Variants in TAFA1 observed in about 807,000 individuals in gnomAD.
TAFA1 encodes the protein TAFA chemokine like family member 1, also known as chemokine-like protein TAFA-1.
TAFA1 carries 4 observed loss-of-function variants against 18.5 expected under a neutral mutation model. That is an observed-to-expected ratio of 0.22 (90% CI 0.11 to 0.49). TAFA1 has a LOEUF of 0.49. Among genes scored for constraint, TAFA1 ranks in the 20% least tolerant of loss-of-function variants. The pLI is 0.98. For synonymous variants in TAFA1, 56 were observed against 55.2 expected (o/e 1.01, Z -0.06); for missense variants, 147 against 169.0 (o/e 0.87, Z 0.72).
intron 2 of TAFA1, among the ~76,000 whole-genome samples, chr3:68,368,155 G>A (rs936824287): frequency 2.0e-5 from 3 of 152,020 alleles, no homozygotes; most frequent in African/African-American, 7.2e-5. Flanking sequence ...AAAAACCTCA[G>A]GATTTTTTTG....
intron 2 of TAFA1, among the ~76,000 whole-genome samples, chr3:68,022,987 T>TA: frequency 6.7e-6 from 1 of 150,360 alleles, no homozygotes; most frequent in Non-Finnish European, 1.5e-5. Context: ...TTTTTTTACT[T>TA]TGTACCAGTG....
At chr3:68,017,407 C>T (rs529775384) in intron 2 of TAFA1, among the ~76,000 whole-genome samples, 44 of 152,266 alleles carry the variant, frequency 2.9e-4, no homozygotes, top group Non-Finnish European at 5.4e-4. Context: ...TATCTATCAC[C>T]AGCTTAGGTT....
intron 2 of TAFA1, among the ~76,000 whole-genome samples, chr3:68,389,749 A>G (rs568558966): frequency 9.2e-5 from 14 of 152,144 alleles, no homozygotes; most frequent in Admixed American, 2.6e-4. Flanking sequence ...CCACCCAGGA[A>G]GTGTAAGAGG....
intron 2 of TAFA1, among the ~76,000 whole-genome samples, chr3:68,168,836 C>G (rs1233390464): frequency 6.6e-6 from 1 of 152,200 alleles, no homozygotes; most frequent in Non-Finnish European, 1.5e-5. Context: ...GAGTCCCTCT[C>G]AGCCCAAAGT....
At chr3:68,486,590 A>G (rs933136508) in intron 3 of TAFA1, among the ~76,000 whole-genome samples, 1 of 152,218 alleles carries the variant, frequency 6.6e-6, no homozygotes, top group Non-Finnish European at 1.5e-5. Flanking sequence ...AATGAAGATG[A>G]TAACTCATCT....
chr3:68,397,630 G>A (rs2070409397), intron 2 of TAFA1, among the ~76,000 whole-genome samples: 2 of 152,186 alleles, frequency 1.3e-5, no homozygotes, highest in Non-Finnish European at 2.9e-5. Flanking sequence ...ACACACGTGT[G>A]CATATGTCTT....
At position 68,263,960 on chromosome 3, in the gene TAFA1, A is replaced by G. The variant is rs551273586; in HGVS notation, c.119-153320A>G. ...ATTTGCCAAATAACAGCTATATAGAATTTTATTTTTTTAAATATACTCATT... is the reference window on the plus strand; with the variant it reads ...ATTTGCCAAATAACAGCTATATAGAGTTTTATTTTTTTAAATATACTCATT... On this transcript the variant is annotated intron_variant, in intron 2 of 4. Transcript: ENST00000478136. Among the ~76,000 whole-genome samples, 13 of 152,184 alleles carry G rather than the reference A, an allele frequency of 8.5e-5. No homozygotes were observed. The East Asian group carries it at 2.1e-3, about 25-fold the overall frequency.
chr3:68,465,884 T>A (rs1040286725), intron 3 of TAFA1, among the ~76,000 whole-genome samples: 1 of 151,826 alleles, frequency 6.6e-6, no homozygotes, highest in Admixed American at 6.6e-5. Flanking sequence ...AAGAAGATAA[T>A]ACACTAGGCA....
chr3:68,462,437 G>T (rs78486610), intron 3 of TAFA1, among the ~76,000 whole-genome samples: 5,095 of 152,148 alleles, frequency 0.033, 287 homozygotes, highest in African/African-American at 0.12. Flanking sequence ...CATGTAAGAC[G>T]TGAATTTGCT....
At chr3:68,539,438 A>G (rs9819803) in intron 4 of TAFA1, among the ~76,000 whole-genome samples, 62,728 of 151,678 alleles carry the variant, frequency 0.41, 14,382 homozygotes, top group African/African-American at 0.62. Flanking sequence ...CAAAATTGGC[A>G]CCCTTATGCT....
intron 2 of TAFA1, among the ~76,000 whole-genome samples, chr3:68,216,321 C>T (rs909348257): frequency 6.6e-6 from 1 of 151,942 alleles, no homozygotes; most frequent in Non-Finnish European, 1.5e-5. Context: ...TTTTAAAAAC[C>T]GTTTTCAAGA....
At chr3:68,427,060 G>A (rs148311073) in intron 3 of TAFA1, among the ~76,000 whole-genome samples, 208 of 151,940 alleles carry the variant, frequency 1.4e-3, no homozygotes, top group African/African-American at 4.6e-3. Context: ...GTGTGTGAGA[G>A]AGAGAGATAG....
intron 3 of TAFA1, among the ~76,000 whole-genome samples, chr3:68,523,833 A>G (rs2073064115): frequency 6.6e-6 from 1 of 152,094 alleles, no homozygotes. Context: ...GTTGTTTTGG[A>G]TTTAGGTGCA....
At chr3:68,493,145 C>T (rs975002779) in intron 3 of TAFA1, among the ~76,000 whole-genome samples, 4 of 152,074 alleles carry the variant, frequency 2.6e-5, no homozygotes, top group Non-Finnish European at 5.9e-5. Context: ...AACAACTCCC[C>T]TTTTCTCCCT....
At chr3:68,128,001 A>C (rs2065491702) in intron 2 of TAFA1, among the ~76,000 whole-genome samples, 1 of 149,386 alleles carries the variant, frequency 6.7e-6, no homozygotes, top group Non-Finnish European at 1.5e-5. Context: ...TGGTAATAAT[A>C]ATGATAACTA....
intron 2 of TAFA1, among the ~76,000 whole-genome samples, chr3:68,058,900 GGGTT>G (rs1476412665): frequency 2.0e-5 from 3 of 152,128 alleles, no homozygotes; most frequent in African/African-American, 4.8e-5. Context: ...AGGCAAAAAA[GGGTT>G]GTAAATTGGG....
chr3:68,394,287 C>T (rs1012271212), intron 2 of TAFA1, among the ~76,000 whole-genome samples: 10 of 152,046 alleles, frequency 6.6e-5, no homozygotes, highest in Non-Finnish European at 1.2e-4. Flanking sequence ...AACCACTGCT[C>T]AAGGAAATAA....
At chr3:68,345,325 A>G (rs1359536121) in intron 2 of TAFA1, among the ~76,000 whole-genome samples, 1 of 152,202 alleles carries the variant, frequency 6.6e-6, no homozygotes, top group Non-Finnish European at 1.5e-5. Context: ...AGAAGAAATC[A>G]GAATCAAGGA....
intron 3 of TAFA1, among the ~76,000 whole-genome samples, chr3:68,527,041 A>G (rs1163141736): frequency 2.0e-5 from 3 of 152,076 alleles, no homozygotes; most frequent in Admixed American, 1.3e-4. Flanking sequence ...GTATTTAATA[A>G]GCATGATTCC....
Sources: allele counts gnomAD v4.1 joint callset (sites outside exome capture counted in the v4.1 genomes callset), GRCh38; gene constraint gnomAD v4.1.1; transcripts MANE v1.5; gene names NCBI Gene and HGNC (gene_info 2026-07-23, HGNC 2026-07-21).